Variants in ASAP2 observed in about 807,000 individuals in gnomAD.
ASAP2 encodes ArfGAP with SH3 domain, ankyrin repeat and PH domain 2, also known as arf-GAP with SH3 domain, ANK repeat and PH domain-containing protein 2.
In ASAP2, 45 loss-of-function variants were observed where a neutral mutation model predicts 131.4. The ratio of observed to expected loss-of-function variants is 0.34; its 90% CI spans 0.27 to 0.44. The LOEUF (loss-of-function observed/expected upper bound fraction) is 0.44, where lower values mean the gene tolerates loss of function less well. ASAP2 is among the 20% of genes least tolerant of loss of function. ASAP2 has a pLI of 1.00. For missense variants in ASAP2, 1,011 were observed against 1,297.0 expected, an observed-to-expected ratio of 0.78 and a Z score of 3.39; for synonymous variants, 510 against 503.0, an observed-to-expected ratio of 1.01 and a Z score of -0.19.
intron 2 of ASAP2, among the ~76,000 whole-genome samples, chr2:9,291,810 A>T (rs528828969): frequency 2.2e-4 from 34 of 152,098 alleles, no homozygotes; most frequent in South Asian, 1.7e-3. Flanking sequence ...AGGCTGGTGC[A>T]CCCTGCCTTC....
chr2:9,397,330 T>C (rs1361038254), intron 24 of ASAP2, among the ~76,000 whole-genome samples: 1 of 152,178 alleles, frequency 6.6e-6, no homozygotes, highest in Non-Finnish European at 1.5e-5. Context: ...CTCAGAAGCG[T>C]TCTAGCTGGC....
At chr2:9,225,572 A>G (rs1253881143) in intron 1 of ASAP2, among the ~76,000 whole-genome samples, 2 of 152,176 alleles carry the variant, frequency 1.3e-5, no homozygotes, top group African/African-American at 4.8e-5. Context: ...AGGGCTGAGC[A>G]TGTCAGTTGG....
chr2:9,338,513 A>G (rs988024359), intron 9 of ASAP2, among the ~76,000 whole-genome samples: 3 of 151,980 alleles, frequency 2.0e-5, no homozygotes, highest in Non-Finnish European at 4.4e-5. Context: ...GGCCTTCATC[A>G]CAGAGATCTC....
intron 16 of ASAP2, among the ~76,000 whole-genome samples, chr2:9,371,656 G>T (rs936336103): frequency 5.9e-5 from 9 of 152,142 alleles, no homozygotes; most frequent in African/African-American, 2.2e-4. Flanking sequence ...GGGAGGTGGA[G>T]CAGGGAAGCT....
chr2:9,237,436 G>C (rs1409484674), intron 1 of ASAP2, among the ~76,000 whole-genome samples: 1 of 137,972 alleles, frequency 7.2e-6, no homozygotes, highest in Non-Finnish European at 1.5e-5. Flanking sequence ...TTTTTTGACA[G>C]ATTCTTGCTT....
chr2:9,265,456 C>T (rs1665874663), intron 1 of ASAP2, among the ~76,000 whole-genome samples: 1 of 152,106 alleles, frequency 6.6e-6, no homozygotes, highest in Admixed American at 6.5e-5. Flanking sequence ...CAATACCCTG[C>T]TTGATGGGAG....
Position 9,383,616 on chromosome 2 carries a change from C to A in ASAP2, c.2017-1629C>A, listed in dbSNP as rs370001439. The stretch of plus-strand genomic sequence containing the variant: ...CACCTACATTTTAGCAGAATTCAGA[C>A]CCTTCCCATAATCCTAATCTTGAGG... On this transcript the variant is annotated intron_variant, in intron 20 of 27. Coordinates refer to ENST00000281419, the MANE Select transcript of ASAP2 (RefSeq NM_003887.3). 4.7e-3 allele frequency among the ~76,000 whole-genome samples: 716 copies of A among 152,236 alleles called. 6 individuals carry two copies. The highest frequency in any genetic ancestry group is 0.017 in the African/African-American group (687 of 41,530).
Position 9,355,903 on chromosome 2 carries a change from A to G in ASAP2, c.1112-144A>G, listed in dbSNP as rs912010461. On this transcript the variant is annotated intron_variant, in intron 12 of 27. Transcript: ENST00000281419. ...TGAAGGCAGACATTTGGAGGATATG[A>G]GGGAGTGCCTGATTTTATACAAATC... 7.4e-6 allele frequency: 7 copies of G among 947,800 alleles called. No homozygotes were observed. The Admixed American group carries it at 8.8e-5, about 12-fold the overall frequency. The allele number at this position is 947,800 out of a possible 1,614,324, so 58.7% of individuals were successfully genotyped here.
At chr2:9,258,074 A>G (rs1665289780) in intron 1 of ASAP2, among the ~76,000 whole-genome samples, 1 of 152,098 alleles carries the variant, frequency 6.6e-6, no homozygotes, top group Admixed American at 6.5e-5. Flanking sequence ...GTATCATCAC[A>G]TTTGTACCCT....
At chr2:9,317,254 G>A (rs1037353431) in intron 3 of ASAP2, among the ~76,000 whole-genome samples, 1 of 140,172 alleles carries the variant, frequency 7.1e-6, no homozygotes, top group Non-Finnish European at 1.5e-5. Context: ...TACACACCCC[G>A]TGCATCACAC....
At chr2:9,380,679 T>G in intron 19 of ASAP2, 62 bp from the exon 20 acceptor site, 1 of 1,492,624 alleles carries the variant, frequency 6.7e-7, no homozygotes, top group Non-Finnish European at 9.3e-7. Flanking sequence ...AAAATTGTCC[T>G]GGATGTCAGG....
At chr2:9,344,678 A>G (rs1671840983) in intron 10 of ASAP2, 43 bp downstream of exon 10, 1 of 1,612,900 alleles carries the variant, frequency 6.2e-7, no homozygotes, top group Non-Finnish European at 8.5e-7. Context: ...TACGTTCGTT[A>G]TCTTGTGTCC....
intron 1 of ASAP2, among the ~76,000 whole-genome samples, chr2:9,237,188 GC>G (rs1412271599): frequency 5.3e-5 from 8 of 151,802 alleles, no homozygotes; most frequent in African/African-American, 1.9e-4. Flanking sequence ...AAAAAAAAAA[GC>G]CCTGTTTTGT....
At chr2:9,209,036 T>C (rs542006633) in intron 1 of ASAP2, among the ~76,000 whole-genome samples, 1 of 152,232 alleles carries the variant, frequency 6.6e-6, no homozygotes, top group Non-Finnish European at 1.5e-5. Context: ...CAGTGTATAA[T>C]TCCAAAGCTC....
intron 9 of ASAP2, among the ~76,000 whole-genome samples, chr2:9,340,313 G>A (rs760763822): frequency 3.9e-5 from 6 of 152,258 alleles, no homozygotes; most frequent in South Asian, 2.1e-4. Context: ...GAGCCACCGC[G>A]CCCGGCCAGC....
At position 9,395,594 on chromosome 2, in the gene ASAP2, C is replaced by CTTTTTTTTTTTTTTTT; in HGVS notation, c.2684+1963_2684+1978dup. On this transcript the variant is annotated intron_variant, in intron 24 of 27. Transcript: ENST00000281419. Reference sequence around the variant, plus strand: ...GTTTTGTTTTTCTTGTGTTTTTTTTCTTTTTTTTTTTTTTTTTTTTTTTTT... The same window carrying CTTTTTTTTTTTTTTTT: ...GTTTTGTTTTTCTTGTGTTTTTTTTCTTTTTTTTTTTTTTTTTTTTTTTTTTTTTTTTTTTTTTTTT... 7.6e-4 allele frequency among the ~76,000 whole-genome samples: 45 copies of CTTTTTTTTTTTTTTTT among 59,054 alleles called. 9 individuals carry two copies. Among genetic ancestry groups the CTTTTTTTTTTTTTTTT allele is most frequent in the Non-Finnish European group, 1.2e-3 (34 of 27,442 alleles). 38.7% of individuals were successfully genotyped at this position (59,054 alleles called of 152,430 possible).
intron 2 of ASAP2, 76 bp from the exon 3 acceptor site, chr2:9,297,224 C>A: frequency 1.3e-6 from 2 of 1,565,750 alleles, no homozygotes; most frequent in South Asian, 2.3e-5. Flanking sequence ...CAGTGTTATT[C>A]ACAACCGAGA....
chr2:9,397,727 GATAT>G (rs200560260), intron 24 of ASAP2, among the ~76,000 whole-genome samples: 938 of 83,446 alleles, frequency 0.011, 19 homozygotes, highest in East Asian at 0.024. Context: ...AAATCAAAAG[GATAT>G]ATATATATAT....
chr2:9,261,332 G>A (rs1045762135), intron 1 of ASAP2, among the ~76,000 whole-genome samples: 1 of 152,198 alleles, frequency 6.6e-6, no homozygotes, highest in Non-Finnish European at 1.5e-5. Flanking sequence ...AGCTCTCCCA[G>A]CATTTCATCG....
Sources: gnomAD v4.1 joint callset for allele counts (sites outside exome capture counted in the v4.1 genomes callset) on GRCh38, gnomAD v4.1.1 for gene constraint, MANE v1.5 for transcripts, NCBI Gene and HGNC (gene_info 2026-07-23, HGNC 2026-07-21) for gene names.